Variants in SDK1 observed in about 807,000 individuals in gnomAD.
SDK1 encodes the protein sidekick cell adhesion molecule 1.
Under a neutral mutation model 245.5 loss-of-function variants are expected in SDK1, and 157 were observed. The ratio of observed to expected loss-of-function variants is 0.64; its 90% CI spans 0.56 to 0.73. SDK1 has a LOEUF of 0.73. SDK1 is among the 30% of genes least tolerant of loss of function. The pLI is 0.00. For synonymous variants in SDK1, 1,647 were observed against 1,278.5 expected (o/e 1.29, Z -6.15); for missense variants, 3,583 against 3,002.3 (o/e 1.19, Z -4.52).
chr7:3,470,452 C>A (rs1052213265), intron 1 of SDK1, among the ~76,000 whole-genome samples: 1 of 152,102 alleles, frequency 6.6e-6, no homozygotes, highest in Non-Finnish European at 1.5e-5. Context: ...TTTTGATACA[C>A]TATTTTGACC....
intron 4 of SDK1, among the ~76,000 whole-genome samples, chr7:3,732,064 A>G (rs935708233): frequency 6.6e-6 from 1 of 152,256 alleles, no homozygotes; most frequent in Non-Finnish European, 1.5e-5. Context: ...TGCTGGGATT[A>G]CAGGCGTGAG....
chr7:4,060,735 G>A (rs1779485664), intron 19 of SDK1, among the ~76,000 whole-genome samples: 1 of 152,114 alleles, frequency 6.6e-6, no homozygotes, highest in Admixed American at 6.5e-5. Flanking sequence ...GTCCGGAATG[G>A]TAATGCCTAG....
At chr7:3,833,301 A>G (rs1779955528) in intron 5 of SDK1, among the ~76,000 whole-genome samples, 1 of 152,064 alleles carries the variant, frequency 6.6e-6, no homozygotes, top group Admixed American at 6.5e-5. Flanking sequence ...CTGATGATGT[A>G]TTTTGTTGAG....
At chr7:3,791,492 C>T (rs1168485663) in intron 4 of SDK1, among the ~76,000 whole-genome samples, 3 of 152,118 alleles carry the variant, frequency 2.0e-5, no homozygotes, top group Non-Finnish European at 4.4e-5. Flanking sequence ...GTCATGAGCC[C>T]AAAATAGCAC....
chr7:3,456,442 A>G (rs1329684819), intron 1 of SDK1, among the ~76,000 whole-genome samples: 1 of 151,954 alleles, frequency 6.6e-6, no homozygotes, highest in Non-Finnish European at 1.5e-5. Flanking sequence ...GGTCAATTCC[A>G]TTGCTCTATC....
chr7:4,248,849 G>T (rs180794827), intron 44 of SDK1, among the ~76,000 whole-genome samples: 1 of 151,700 alleles, frequency 6.6e-6, no homozygotes, highest in Non-Finnish European at 1.5e-5. Flanking sequence ...ATGCATGTAC[G>T]CATGCATATA....
At chr7:3,639,551 T>G (rs1431914833) in intron 3 of SDK1, among the ~76,000 whole-genome samples, 1 of 152,160 alleles carries the variant, frequency 6.6e-6, no homozygotes, top group Non-Finnish European at 1.5e-5. Context: ...ATAGTGAGCG[T>G]CCCCGATGGC....
At chr7:4,048,836 T>C (rs1789222474) in intron 17 of SDK1, among the ~76,000 whole-genome samples, 1 of 152,198 alleles carries the variant, frequency 6.6e-6, no homozygotes, top group Non-Finnish European at 1.5e-5. Context: ...AATCCAAAAA[T>C]GATTGTCCCC....
intron 1 of SDK1, among the ~76,000 whole-genome samples, chr7:3,502,960 G>C (rs1335583432): frequency 6.6e-6 from 1 of 152,146 alleles, no homozygotes; most frequent in South Asian, 2.1e-4. Context: ...TTAATGAACT[G>C]TTTGTAAAAT....
chr7:3,696,566 CTGTGTT>C (rs1257018623), intron 4 of SDK1, among the ~76,000 whole-genome samples: 1 of 88,998 alleles, frequency 1.1e-5, no homozygotes, highest in Non-Finnish European at 2.3e-5. Context: ...TTACATTTCT[CTGTGTT>C]TGTGTGTGTG....
intron 1 of SDK1, among the ~76,000 whole-genome samples, chr7:3,546,605 G>T (rs1779233364): frequency 1.3e-5 from 2 of 152,206 alleles, no homozygotes; most frequent in African/African-American, 4.8e-5. Flanking sequence ...CAAAATGAGT[G>T]ATGTGACTGT....
intron 1 of SDK1, among the ~76,000 whole-genome samples, chr7:3,413,804 T>A (rs555787177): frequency 1.3e-5 from 2 of 152,254 alleles, no homozygotes; most frequent in African/African-American, 4.8e-5. Flanking sequence ...CTTGGCAATG[T>A]AGCAAGATCT....
At chr7:3,323,863 T>G (rs565504361) in intron 1 of SDK1, among the ~76,000 whole-genome samples, 1 of 152,200 alleles carries the variant, frequency 6.6e-6, no homozygotes, top group Non-Finnish European at 1.5e-5. Context: ...GTTTATAGTT[T>G]ATTGATCTGT....
At chr7:3,886,983 G>A (rs1000766392) in intron 5 of SDK1, among the ~76,000 whole-genome samples, 5 of 152,196 alleles carry the variant, frequency 3.3e-5, no homozygotes, top group African/African-American at 9.6e-5. Flanking sequence ...AGCCTACTCT[G>A]AAGAGAAACC....
chr7:4,146,425 C>T (rs1198960800), intron 29 of SDK1, among the ~76,000 whole-genome samples: 3 of 150,882 alleles, frequency 2.0e-5, no homozygotes, highest in African/African-American at 4.9e-5. Context: ...AGCCTCACAC[C>T]TGCTCTCAGA....
At chr7:4,040,384 C>G (rs944124648) in intron 17 of SDK1, among the ~76,000 whole-genome samples, 3 of 152,182 alleles carry the variant, frequency 2.0e-5, no homozygotes, top group African/African-American at 7.2e-5. Flanking sequence ...AAACAACTCA[C>G]AACCTACTTA....
chr7:3,932,342 A>C (rs1257902541), intron 5 of SDK1, among the ~76,000 whole-genome samples: 1 of 152,120 alleles, frequency 6.6e-6, no homozygotes, highest in Admixed American at 6.5e-5. Context: ...TCAACTTTAG[A>C]TTTATTGTCA....
chr7:3,650,110 C>T (rs1782963231), intron 4 of SDK1, among the ~76,000 whole-genome samples: 1 of 152,102 alleles, frequency 6.6e-6, no homozygotes, highest in South Asian at 2.1e-4. Flanking sequence ...ACTGCCATGG[C>T]ATGATCATAG....
chr7:4,194,293 CGT>C (rs1562415581), intron 35 of SDK1, among the ~76,000 whole-genome samples: 6 of 98,774 alleles, frequency 6.1e-5, no homozygotes, highest in East Asian at 2.6e-4. Flanking sequence ...TATGTATGCA[CGT>C]ATGTGTATAC....
Sources: gnomAD v4.1 joint callset for allele counts (sites outside exome capture counted in the v4.1 genomes callset) on GRCh38, gnomAD v4.1.1 for gene constraint, MANE v1.5 for transcripts, NCBI Gene and HGNC (gene_info 2026-07-23, HGNC 2026-07-21) for gene names.